Variants in AFAP1 observed in about 807,000 individuals in gnomAD.
AFAP1 encodes the protein actin filament-associated protein 1.
In AFAP1, 75 loss-of-function variants were observed where a neutral mutation model predicts 93.9. The ratio of observed to expected loss-of-function variants is 0.80; its 90% CI spans 0.66 to 0.97. AFAP1 has a LOEUF of 0.97. Among genes scored for constraint, AFAP1 ranks in the 50% least tolerant of loss-of-function variants. AFAP1 has a pLI of 0.00. For missense variants in AFAP1, 1,201 were observed against 1,050.8 expected, an observed-to-expected ratio of 1.14 and a Z score of -1.98; for synonymous variants, 517 against 430.7, an observed-to-expected ratio of 1.20 and a Z score of -2.48.
Position 7,869,924 on chromosome 4 carries a change from A to C in AFAP1, c.128-1205T>G, listed in dbSNP as rs561097777. Among the ~76,000 whole-genome samples the C allele has an allele frequency of 7.2e-5, 11 of 152,352 alleles. No individual in the cohort carries two copies. The East Asian group carries it at 2.1e-3, about 29-fold the overall frequency. On this transcript the variant is annotated intron_variant, in intron 2 of 17. Transcript: ENST00000420658. The stretch of plus-strand genomic sequence containing the variant: ...CTGAAGAAAGAATTCATGAATTGAA[A>C]AATATCAGGAGATTCATCCAGAAGG...
intron 12 of AFAP1, among the ~76,000 whole-genome samples, chr4:7,784,610 G>A (rs1018375822): frequency 6.6e-6 from 1 of 152,134 alleles, no homozygotes; most frequent in Middle Eastern, 3.2e-3. Flanking sequence ...CAGAAAGGGC[G>A]GCCTCCCCCA....
chr4:7,780,175 G>A (rs1313166473), intron 13 of AFAP1, among the ~76,000 whole-genome samples: 1 of 152,194 alleles, frequency 6.6e-6, no homozygotes, highest in Non-Finnish European at 1.5e-5. Context: ...GTCCTCAAAA[G>A]AGGCCAACGG....
intron 13 of AFAP1, 117 bp from the exon 14 acceptor site, chr4:7,778,993 G>C: frequency 1.3e-6 from 1 of 771,792 alleles, no homozygotes. Context: ...AACTGGCATA[G>C]ATGGAGGAAA....
At chr4:7,834,258 T>C (rs1221421580) in intron 6 of AFAP1, among the ~76,000 whole-genome samples, 2 of 152,216 alleles carry the variant, frequency 1.3e-5, no homozygotes, top group African/African-American at 4.8e-5. Flanking sequence ...ACATTGTATG[T>C]TCTCACTCAT....
chr4:7,894,542 G>A (rs1188273203), intron 1 of AFAP1, among the ~76,000 whole-genome samples: 2 of 152,168 alleles, frequency 1.3e-5, no homozygotes, highest in Non-Finnish European at 2.9e-5. Context: ...GCTATGAGAG[G>A]CCAGCCCGCT....
At chr4:7,769,050 G>A in intron 16 of AFAP1, 42 bp from the exon 17 acceptor site, 1 of 1,542,448 alleles carries the variant, frequency 6.5e-7, no homozygotes, top group Non-Finnish European at 8.8e-7. Context: ...GCGGTTTCTG[G>A]GCCACTGGTA....
intron 10 of AFAP1, chr4:7,798,756 C>T: frequency 2.7e-6 from 1 of 369,344 alleles, no homozygotes; most frequent in South Asian, 7.0e-5. Context: ...GGACTCGGGG[C>T]ACACAGCTAC....
intron 6 of AFAP1, among the ~76,000 whole-genome samples, chr4:7,833,488 A>C (rs1478982750): frequency 6.6e-6 from 1 of 152,184 alleles, no homozygotes; most frequent in East Asian, 1.9e-4. Flanking sequence ...GAATCAAAAA[A>C]TAGTAGATGT....
At chr4:7,873,261 A>C (rs1363749597) in intron 1 of AFAP1, among the ~76,000 whole-genome samples, 22 of 124,696 alleles carry the variant, frequency 1.8e-4, no homozygotes, top group African/African-American at 3.6e-4. Context: ...AAAAAAAAAA[A>C]CCCCACTTTC....
At chr4:7,887,388 A>G (rs1056677424) in intron 1 of AFAP1, among the ~76,000 whole-genome samples, 16 of 152,208 alleles carry the variant, frequency 1.1e-4, no homozygotes, top group Non-Finnish European at 2.9e-5. Context: ...ATATAAACAC[A>G]CAGAAATGAC....
intron 8 of AFAP1, among the ~76,000 whole-genome samples, chr4:7,814,427 C>G (rs891500514): frequency 6.6e-6 from 1 of 152,116 alleles, no homozygotes; most frequent in Admixed American, 6.5e-5. Flanking sequence ...GGTATTTACC[C>G]GAGGGAAATG....
intron 1 of AFAP1, among the ~76,000 whole-genome samples, chr4:7,885,635 T>C (rs1304453838): frequency 1.3e-5 from 2 of 152,240 alleles, no homozygotes; most frequent in African/African-American, 2.4e-5. Context: ...ACTCAGTATA[T>C]GTTTGTTGAA....
intron 1 of AFAP1, among the ~76,000 whole-genome samples, chr4:7,880,491 G>A (rs984422083): frequency 6.6e-6 from 1 of 152,074 alleles, no homozygotes; most frequent in Non-Finnish European, 1.5e-5. Flanking sequence ...TGTTGGTCAG[G>A]CTGGTCTGGA....
intron 1 of AFAP1, among the ~76,000 whole-genome samples, chr4:7,892,376 G>C (rs1400156450): frequency 6.6e-6 from 1 of 152,188 alleles, no homozygotes; most frequent in Non-Finnish European, 1.5e-5. Context: ...AGGGACAGCA[G>C]GCTCTGCAGA....
intron 5 of AFAP1, 131 bp from the exon 6 acceptor site, chr4:7,838,834 T>TCTCA (rs1553843932): frequency 1.5e-6 from 1 of 655,826 alleles, no homozygotes; most frequent in Non-Finnish European, 2.5e-6. Flanking sequence ...ATGAGCAGGT[T>TCTCA]CACACACACA....
At chr4:7,932,975 G>A (rs991817996) in intron 1 of AFAP1, among the ~76,000 whole-genome samples, 13 of 131,692 alleles carry the variant, frequency 9.9e-5, no homozygotes, top group African/African-American at 2.3e-4. Context: ...AGCCGAGATC[G>A]CGCCACTGCA....
intron 12 of AFAP1, among the ~76,000 whole-genome samples, chr4:7,783,870 TGGG>T (rs1560155277): frequency 6.6e-6 from 1 of 151,984 alleles, no homozygotes; most frequent in Non-Finnish European, 1.5e-5. Context: ...AAAGGGTCTT[TGGG>T]GGGGACGGGC....
At chr4:7,891,259 C>A (rs1053588197) in intron 1 of AFAP1, among the ~76,000 whole-genome samples, 2 of 152,146 alleles carry the variant, frequency 1.3e-5, no homozygotes, top group South Asian at 2.1e-4. Context: ...AGCGGTTGCC[C>A]GGGTCTGTGT....
At position 7,934,633 on chromosome 4, in the gene AFAP1, G is replaced by A. The variant is rs114018675; in HGVS notation, c.-3+5023C>T. Among the ~76,000 whole-genome samples the A allele has an allele frequency of 5.7e-3, 872 of 152,274 alleles. 3 individuals are homozygous for A. The highest frequency in any genetic ancestry group is 1.0e-2 in the Non-Finnish European group (680 of 68,018). On this transcript the variant is annotated intron_variant, in intron 1 of 17. Transcript: ENST00000420658. ...AGAGGAGAGAGAGGAAAGCAGGCCCGACACCGCACACACAGCTTCTGAGGT... is the reference window on the plus strand; with the variant it reads ...AGAGGAGAGAGAGGAAAGCAGGCCCAACACCGCACACACAGCTTCTGAGGT...
Sources: gnomAD v4.1 joint callset for allele counts (sites outside exome capture counted in the v4.1 genomes callset) on GRCh38, gnomAD v4.1.1 for gene constraint, MANE v1.5 for transcripts, NCBI Gene and HGNC (gene_info 2026-07-23, HGNC 2026-07-21) for gene names.